ARAP2: variants seen among roughly 807,000 people sequenced by gnomAD.
ARAP2 encodes the protein ArfGAP with RhoGAP domain, ankyrin repeat and PH domain 2.
ARAP2 carries 148 observed loss-of-function variants against 194.5 expected under a neutral mutation model. The ratio of observed to expected loss-of-function variants is 0.76; its 90% CI spans 0.67 to 0.87. The LOEUF (loss-of-function observed/expected upper bound fraction) is 0.87. ARAP2 is among the 40% of genes least tolerant of loss of function. ARAP2 has a pLI of 0.00. For missense variants in ARAP2, 2,128 were observed against 1,989.7 expected (o/e 1.07, Z -1.32); for synonymous variants, 695 against 683.5 (o/e 1.02, Z -0.26).
At chr4:36,065,613 G>A, downstream of ARAP2, 1 of 203,084 alleles carries the variant, frequency 4.9e-6, no homozygotes, top group Non-Finnish European at 1.1e-5. Flanking sequence ...GACAGGCACT[G>A]TTCCTGAACA....
At chr4:36,087,070 G>C (rs1712070705) in intron 28 of ARAP2, among the ~76,000 whole-genome samples, 1 of 151,770 alleles carries the variant, frequency 6.6e-6, no homozygotes, top group African/African-American at 2.4e-5. Context: ...ATATATACAA[G>C]CATGCATATA....
Position 36,210,623 on chromosome 4 carries a change from T to C in ARAP2, c.1254A>G (p.Val418=). The C allele has an allele frequency of 6.2e-7, 1 of 1,613,960 alleles. No individual in the cohort carries two copies. Among genetic ancestry groups the C allele is most frequent in the Non-Finnish European group, 8.5e-7 (1 of 1,179,884 alleles). ...DTASESEYST[V]EECFQSLRRK... is the part of the protein sequence containing the mutation. ...TTCTTAAACTCTGAAAGCATTCTTC[T>C]ACTGTTGAGTATTCTGATTCAGAAG... The change falls in exon 6 of 33, where the codon GTA becomes GTG. Residue 418 remains valine (V), a synonymous_variant. Transcript: ENST00000303965.
intron 2 of ARAP2, among the ~76,000 whole-genome samples, chr4:36,217,000 A>T (rs1452342819): frequency 6.6e-6 from 1 of 152,228 alleles, no homozygotes; most frequent in Non-Finnish European, 1.5e-5. Context: ...TGTGTGGTGC[A>T]GGACTGCATA....
At chr4:36,235,483 C>T (rs1752260170) in intron 1 of ARAP2, among the ~76,000 whole-genome samples, 1 of 152,236 alleles carries the variant, frequency 6.6e-6, no homozygotes, top group African/African-American at 2.4e-5. Context: ...GCGCCCTCTT[C>T]AGATAGGTGA....
At chr4:36,166,652 A>G (rs1278597639) in intron 10 of ARAP2, among the ~76,000 whole-genome samples, 2 of 151,196 alleles carry the variant, frequency 1.3e-5, no homozygotes, top group Non-Finnish European at 3.0e-5. Flanking sequence ...AATTTATCAC[A>G]TATTTTCAAA....
chr4:36,163,106 C>T (rs886403751), intron 11 of ARAP2, among the ~76,000 whole-genome samples: 8 of 152,062 alleles, frequency 5.3e-5, no homozygotes, highest in African/African-American at 1.7e-4. Context: ...TGGTGTCCAA[C>T]AGCGTGAGAA....
At chr4:36,062,684 A>G (rs551238742), downstream of ARAP2, among the ~76,000 whole-genome samples, 6 of 151,928 alleles carry the variant, frequency 3.9e-5, no homozygotes, top group South Asian at 6.2e-4. Flanking sequence ...TGTTGAAAAA[A>G]GTCAACAAGT....
intron 5 of ARAP2, among the ~76,000 whole-genome samples, chr4:36,030,821 AC>A (rs1718818652): frequency 1.1e-5 from 1 of 93,926 alleles, no homozygotes; most frequent in Non-Finnish European, 2.1e-5. Context: ...TTTTTTTGGT[AC>A]TATTCCATTA....
At chr4:36,059,249 A>G (rs1219580826) in intron 1 of ARAP2, among the ~76,000 whole-genome samples, 2 of 152,162 alleles carry the variant, frequency 1.3e-5, no homozygotes, top group Non-Finnish European at 2.9e-5. Flanking sequence ...TATTAGGAGA[A>G]GAGACATAAT....
chr4:36,085,395 G>C (rs1383456680), intron 28 of ARAP2, among the ~76,000 whole-genome samples: 1 of 151,920 alleles, frequency 6.6e-6, no homozygotes, highest in African/African-American at 2.4e-5. Flanking sequence ...CAGTATAAAT[G>C]ATAAGTTAGA....
In ARAP2 at chr4:36,229,454, T is replaced by C; in HGVS notation, c.33A>G (p.Ile11Met). The change falls in exon 2 of 33, where the codon ATA becomes ATG. Residue 11 changes from isoleucine to methionine, a missense_variant. Physicochemically the swap from Ile to Met is conservative, Grantham distance 10. Transcript: ENST00000303965. MSSVSEVNVDIKDFLMSINLE... is the reference protein window; with the variant it reads MSSVSEVNVDMKDFLMSINLE... ...AATTAATGCTCATTAGGAAATCTTT[T>C]ATATCCACATTTACTTCACTGACTG... 1 of 1,612,400 alleles carries C rather than the reference T, an allele frequency of 6.2e-7. No individual in the cohort carries two copies. The highest frequency in any genetic ancestry group is 8.5e-7 in the Non-Finnish European group (1 of 1,178,902).
chr4:36,006,104 A>T (rs969317439), intron 10 of ARAP2: 2 of 152,248 alleles, frequency 1.3e-5, no homozygotes, highest in Non-Finnish European at 2.9e-5. Flanking sequence ...CAAAGCCTTA[A>T]CTGACAGATG....
At chr4:36,208,210 A>G (rs748091676) in intron 6 of ARAP2, among the ~76,000 whole-genome samples, 23 of 152,320 alleles carry the variant, frequency 1.5e-4, no homozygotes, top group Non-Finnish European at 2.8e-4. Flanking sequence ...TTTAGCATGA[A>G]TTTGAGAGAG....
At chr4:36,051,435 C>T (rs1325899999) in intron 3 of ARAP2, among the ~76,000 whole-genome samples, 4 of 152,022 alleles carry the variant, frequency 2.6e-5, no homozygotes, top group Non-Finnish European at 5.9e-5. Context: ...TGAAATCACA[C>T]CATTGCACTC....
intron 8 of ARAP2, among the ~76,000 whole-genome samples, chr4:36,014,335 A>AG (rs1715339894): frequency 2.5e-5 from 2 of 80,518 alleles, no homozygotes; most frequent in Admixed American, 1.2e-4. Context: ...AGAAAGAAAG[A>AG]AAGAAAGAAA....
intron 6 of ARAP2, among the ~76,000 whole-genome samples, chr4:36,016,976 G>T (rs1051534666): frequency 6.6e-6 from 1 of 151,930 alleles, no homozygotes; most frequent in African/African-American, 2.4e-5. Context: ...CATTCATTCT[G>T]CCCTTTCACT....
At chr4:36,145,577 G>A (rs28405741) in intron 19 of ARAP2, among the ~76,000 whole-genome samples, 318 of 151,972 alleles carry the variant, frequency 2.1e-3, no homozygotes, top group African/African-American at 7.0e-3. Context: ...TGGGTGCTAC[G>A]GTCACTATTT....
chr4:36,134,329 C>T (rs1277819216), intron 19 of ARAP2, among the ~76,000 whole-genome samples: 1 of 151,698 alleles, frequency 6.6e-6, no homozygotes, highest in African/African-American at 2.4e-5. Flanking sequence ...ACGTACCCCA[C>T]GAGAAATTTA....
intron 26 of ARAP2, among the ~76,000 whole-genome samples, chr4:36,111,160 AT>A (rs1283715874): frequency 2.0e-5 from 3 of 151,812 alleles, no homozygotes; most frequent in African/African-American, 7.3e-5. Context: ...TCATTCATTC[AT>A]TTTTTTACTG....
Sources: allele counts gnomAD v4.1 joint callset (sites outside exome capture counted in the v4.1 genomes callset), GRCh38; gene constraint gnomAD v4.1.1; transcripts MANE v1.5; gene names NCBI Gene and HGNC (gene_info 2026-07-23, HGNC 2026-07-21).